Variants in USH2A observed in about 807,000 individuals in gnomAD.
USH2A encodes usherin, also known as Usher syndrome 2A (autosomal recessive, mild).
A neutral mutation model predicts 538.9 loss-of-function variants in USH2A; 443 were observed. That is an observed-to-expected ratio of 0.82 (90% CI 0.76 to 0.89). The LOEUF (loss-of-function observed/expected upper bound fraction) is 0.89, where lower values mean the gene tolerates loss of function less well. Among genes scored for constraint, USH2A ranks in the 40% least tolerant of loss-of-function variants. The pLI is 0.00. For missense variants in USH2A, 6,633 were observed against 6,324.8 expected (o/e 1.05, Z -1.65); for synonymous variants, 2,413 against 2,273.5 (o/e 1.06, Z -1.75).
intron 22 of USH2A, among the ~76,000 whole-genome samples, chr1:216,096,408 A>G (rs1486962413): frequency 6.6e-6 from 1 of 152,228 alleles, no homozygotes; most frequent in Admixed American, 6.5e-5. Context: ...CCTGAAATAT[A>G]CACCCTCAAA....
chr1:216,151,617 C>T (rs2033834437), intron 21 of USH2A, among the ~76,000 whole-genome samples: 1 of 152,174 alleles, frequency 6.6e-6, no homozygotes, highest in African/African-American at 2.4e-5. Context: ...CTTTATCAGT[C>T]CTCCAGGCCC....
intron 13 of USH2A, among the ~76,000 whole-genome samples, chr1:216,244,990 T>C (rs2036008821): frequency 6.6e-6 from 1 of 152,192 alleles, no homozygotes; most frequent in African/African-American, 2.4e-5. Flanking sequence ...AAATCATGGT[T>C]ATTTGACTGT....
At chr1:215,664,117 A>G (rs573819297) in intron 64 of USH2A, among the ~76,000 whole-genome samples, 1 of 152,334 alleles carries the variant, frequency 6.6e-6, no homozygotes, top group Non-Finnish European at 1.5e-5. Flanking sequence ...AGCAGAAACA[A>G]TTCCCTTCTG....
intron 19 of USH2A, among the ~76,000 whole-genome samples, chr1:216,192,194 CAAAGGTTTCTTACT>C (rs1247254636): frequency 1.3e-5 from 2 of 151,984 alleles, no homozygotes; most frequent in Non-Finnish European, 2.9e-5. Flanking sequence ...CATTCTTAGG[CAAAGGTTTCTTACT>C]AGTTATTTTT....
chr1:216,159,609 C>G (rs2034014235), intron 21 of USH2A, among the ~76,000 whole-genome samples: 1 of 150,972 alleles, frequency 6.6e-6, no homozygotes, highest in Non-Finnish European at 1.5e-5. Context: ...TTATTATTGA[C>G]CTGTGTTTTC....
intron 67 of USH2A, among the ~76,000 whole-genome samples, chr1:215,645,738 G>A (rs1656826359): frequency 6.6e-6 from 1 of 152,082 alleles, no homozygotes; most frequent in Non-Finnish European, 1.5e-5. Context: ...TTTTAGGTAA[G>A]ATTTATAATC....
At chr1:216,180,392 GTCTA>G (rs762010605) in intron 20 of USH2A, among the ~76,000 whole-genome samples, 52 of 151,900 alleles carry the variant, frequency 3.4e-4, no homozygotes, top group African/African-American at 6.5e-4. Flanking sequence ...CTAATTTCTT[GTCTA>G]TCTATTCGAT....
chr1:216,189,861 C>T (rs909189203), intron 20 of USH2A, among the ~76,000 whole-genome samples: 3 of 151,924 alleles, frequency 2.0e-5, no homozygotes, highest in Non-Finnish European at 4.4e-5. Context: ...ACTGCTAGGA[C>T]ACAGGTTGGT....
intron 26 of USH2A, among the ~76,000 whole-genome samples, chr1:216,082,667 G>A (rs538005458): frequency 1.1e-3 from 167 of 152,086 alleles, no homozygotes; most frequent in Non-Finnish European, 1.8e-3. Flanking sequence ...TTAAAGACAA[G>A]GAAAAGCAGT....
chr1:215,938,536 C>T (rs901498646), intron 37 of USH2A, among the ~76,000 whole-genome samples: 3 of 152,108 alleles, frequency 2.0e-5, no homozygotes, highest in African/African-American at 7.2e-5. Flanking sequence ...CTCGTTGGTT[C>T]AGCCTCAAAA....
chr1:215,714,096 A>G (rs560947216), intron 61 of USH2A, among the ~76,000 whole-genome samples: 1 of 152,368 alleles, frequency 6.6e-6, no homozygotes, highest in African/African-American at 2.4e-5. Flanking sequence ...ATAAATTGAA[A>G]TTGGAACATA....
chr1:215,980,924 G>T (rs1388511650), intron 35 of USH2A, among the ~76,000 whole-genome samples: 3 of 152,034 alleles, frequency 2.0e-5, no homozygotes, highest in Non-Finnish European at 2.9e-5. Flanking sequence ...TTTTGTATAT[G>T]TGTCTTGAAG....
chr1:216,264,914 CT>C (rs2036443169), intron 11 of USH2A, among the ~76,000 whole-genome samples: 1 of 152,016 alleles, frequency 6.6e-6, no homozygotes, highest in Non-Finnish European at 1.5e-5. Context: ...CAAAAATCCA[CT>C]CAAAATGGAC....
chr1:215,869,491 G>C (rs1318169508), intron 43 of USH2A, among the ~76,000 whole-genome samples: 1 of 152,136 alleles, frequency 6.6e-6, no homozygotes, highest in Non-Finnish European at 1.5e-5. Context: ...GAATATGAAG[G>C]ATGATGAGTC....
chr1:215,814,770 A>C (rs1407158575), intron 48 of USH2A, among the ~76,000 whole-genome samples: 1 of 152,120 alleles, frequency 6.6e-6, no homozygotes, highest in Non-Finnish European at 1.5e-5. Context: ...ACCCAGTCTC[A>C]GGTAATTCTT....
intron 64 of USH2A, among the ~76,000 whole-genome samples, chr1:215,658,728 C>T (rs1657346726): frequency 6.6e-6 from 1 of 152,230 alleles, no homozygotes; most frequent in African/African-American, 2.4e-5. Context: ...TGCCACTTAT[C>T]ATGCTTTCAG....
Position 216,076,559 on chromosome 1 carries a change from C to A in USH2A, c.5572+1530G>T, listed in dbSNP as rs997235854. On this transcript the variant is annotated intron_variant, in intron 27 of 71. Transcript: ENST00000307340. ...CCAGAAGCAAACAGGATTAAGTAAT[C>A]TCACTCATACGAAGGGTTTTCAAGT... Among the ~76,000 whole-genome samples the A allele has an allele frequency of 7.2e-5, 11 of 151,734 alleles. 1 individual carries two copies. Among genetic ancestry groups the A allele is most frequent in the African/African-American group, 2.7e-4 (11 of 41,284 alleles).
chr1:215,969,748 G>C (rs950376601), intron 36 of USH2A, among the ~76,000 whole-genome samples: 4 of 151,976 alleles, frequency 2.6e-5, no homozygotes, highest in African/African-American at 9.7e-5. Flanking sequence ...TCAAAAATAA[G>C]GAAGCAGAAA....
intron 61 of USH2A, among the ~76,000 whole-genome samples, chr1:215,713,633 C>T (rs4465171): frequency 0.44 from 66,976 of 151,982 alleles, 15,015 homozygotes; most frequent in Middle Eastern, 0.56. Context: ...ACCCATTGTT[C>T]AAAGCACAGA....
Sources: allele counts gnomAD v4.1 joint callset (sites outside exome capture counted in the v4.1 genomes callset), GRCh38; gene constraint gnomAD v4.1.1; transcripts MANE v1.5; gene names NCBI Gene and HGNC (gene_info 2026-07-23, HGNC 2026-07-21).